Variants in DNAH7 observed in about 807,000 individuals in gnomAD.
The protein encoded by DNAH7 is axonemal beta dynein heavy chain 7.
Under a neutral mutation model 444.6 loss-of-function variants are expected in DNAH7, and 397 were observed. The ratio of observed to expected loss-of-function variants is 0.89; its 90% CI spans 0.82 to 0.97. The LOEUF is 0.97. Among genes scored for constraint, DNAH7 ranks in the 50% least tolerant of loss-of-function variants. The pLI is 0.00. For synonymous variants in DNAH7, 1,636 were observed against 1,624.4 expected, an observed-to-expected ratio of 1.01 and a Z score of -0.17; for missense variants, 4,902 against 4,800.8, an observed-to-expected ratio of 1.02 and a Z score of -0.62.
At chr2:195,971,658 G>C (rs1300906184) in intron 16 of DNAH7, among the ~76,000 whole-genome samples, 1 of 152,138 alleles carries the variant, frequency 6.6e-6, no homozygotes, top group East Asian at 1.9e-4. Context: ...CAGACATCTA[G>C]AAGTTGACAG....
chr2:195,819,065 A>G (rs1697349437), intron 49 of DNAH7, among the ~76,000 whole-genome samples: 1 of 151,968 alleles, frequency 6.6e-6, no homozygotes, highest in South Asian at 2.1e-4. Flanking sequence ...CACACTATCT[A>G]TGAAATGCCT....
intron 5 of DNAH7, among the ~76,000 whole-genome samples, chr2:196,032,585 A>T (rs968611714): frequency 2.6e-5 from 4 of 152,226 alleles, no homozygotes; most frequent in African/African-American, 9.7e-5. Context: ...TCAACAACAG[A>T]AAATCTGAAT....
intron 61 of DNAH7, among the ~76,000 whole-genome samples, chr2:195,770,661 C>T (rs1437255473): frequency 6.6e-6 from 1 of 152,174 alleles, no homozygotes; most frequent in Non-Finnish European, 1.5e-5. Context: ...CCATAATTCT[C>T]TACTCCCTAA....
intron 59 of DNAH7, among the ~76,000 whole-genome samples, 167 bp downstream of exon 59, chr2:195,777,633 T>A (rs1485268889): frequency 2.0e-5 from 3 of 152,166 alleles, no homozygotes; most frequent in Admixed American, 2.0e-4. Context: ...AACCCCTAAC[T>A]CCACCTATAG....
At chr2:195,898,098 T>C (rs10210623) in intron 28 of DNAH7, among the ~76,000 whole-genome samples, 1,715 of 152,346 alleles carry the variant, frequency 0.011, 35 homozygotes, top group African/African-American at 0.039. Context: ...CATGTATTCA[T>C]GACTAGCAGT....
At chr2:195,883,470 A>T (rs1017805362) in intron 35 of DNAH7, among the ~76,000 whole-genome samples, 11 of 144,258 alleles carry the variant, frequency 7.6e-5, no homozygotes, top group African/African-American at 2.8e-4. Flanking sequence ...CCAAAAAAAA[A>T]GAATCAGAAA....
chr2:195,975,885 C>G (rs1278451205), intron 15 of DNAH7, among the ~76,000 whole-genome samples: 1 of 152,148 alleles, frequency 6.6e-6, no homozygotes, highest in Non-Finnish European at 1.5e-5. Context: ...CTAAAGAGCC[C>G]TTGGGCACTG....
At chr2:196,051,577 C>A (rs1447360984) in intron 2 of DNAH7, among the ~76,000 whole-genome samples, 1 of 152,082 alleles carries the variant, frequency 6.6e-6, no homozygotes, top group Non-Finnish European at 1.5e-5. Context: ...ACCATCCTGG[C>A]TAACATGGTG....
chr2:195,873,530 C>A (rs1700841211), intron 39 of DNAH7, 38 bp downstream of exon 39: 9 of 1,152,230 alleles, frequency 7.8e-6, no homozygotes, highest in South Asian at 2.4e-5. Context: ...ATATTTTATA[C>A]CTCCTAATTA....
Position 195,875,599 on chromosome 2 carries a change from T to G in DNAH7, c.6286+76A>C, listed in dbSNP as rs951768958. The stretch of plus-strand genomic sequence containing the variant: ...CAAAACACTGCAACTCAAAAGAGGA[T>G]TTTTTTCCAGTTATTTCTTTAGCTA... On this transcript the variant is annotated intron_variant, in intron 38 of 64. Transcript: ENST00000312428. 5.1e-5 allele frequency: 72 copies of G among 1,398,626 alleles called. No homozygotes were observed. In the Middle Eastern group the frequency reaches 7.2e-4, roughly 14 times the overall value. 86.6% of individuals were successfully genotyped at this position (1,398,626 alleles called of 1,614,324 possible).
chr2:195,934,726 T>C lies in DNAH7; in HGVS notation c.3336A>G (p.Leu1112=). 6.2e-7 allele frequency: 1 copy of C among 1,614,146 alleles called. No homozygotes were observed. The highest frequency in any genetic ancestry group is 8.5e-7 in the Non-Finnish European group (1 of 1,179,994). ...CGCTGCTCTTCATGTGAGTAATGTC[T>C]AAAGTTTCCGTAAATTCTACCTTTG... ...GIAKVEFTET[L]DITHMKSSEG... The change falls in exon 21 of 65, where the codon TTA becomes TTG. Residue 1112 remains leucine (L), a synonymous_variant. Coordinates refer to ENST00000312428, the MANE Select transcript of DNAH7 (RefSeq NM_018897.3).
At chr2:195,898,535 G>A (rs1030856106) in intron 28 of DNAH7, among the ~76,000 whole-genome samples, 1 of 151,902 alleles carries the variant, frequency 6.6e-6, no homozygotes, top group Non-Finnish European at 1.5e-5. Context: ...ATCAGTTTTC[G>A]CACCATGCAG....
At position 195,876,686 on chromosome 2, in the gene DNAH7, T is replaced by C. The variant is rs1340219360; in HGVS notation, c.5975A>G (p.Asn1992Ser). The C allele has an allele frequency of 6.3e-7, 1 of 1,586,312 alleles. No individual in the cohort carries two copies. Among genetic ancestry groups the C allele is most frequent in the South Asian group, 1.1e-5 (1 of 88,214 alleles). ...KSVYITNFLL[N>S]QLNKEIYKPL... is the part of the protein sequence containing the mutation. ...TTTGTAGATTTCCTTATTTAGTTGATTTAAAAGAAAATTCTATATAACAAA... is the reference window on the plus strand; with the variant it reads ...TTTGTAGATTTCCTTATTTAGTTGACTTAAAAGAAAATTCTATATAACAAA... Residue 1992 changes from asparagine (N) to serine (S), a missense_variant, in exon 37 of 65, where the codon AAT (asparagine) becomes AGT (serine). By Grantham distance (46) the Asn-to-Ser change is conservative. Transcript: ENST00000312428.
intron 47 of DNAH7, among the ~76,000 whole-genome samples, chr2:195,835,577 A>C (rs933910745): frequency 9.2e-5 from 14 of 152,120 alleles, no homozygotes; most frequent in Admixed American, 5.2e-4. Flanking sequence ...CGGGTGCGGT[A>C]GCTCATGCCT....
At chr2:195,947,284 A>G (rs1007393882) in intron 19 of DNAH7, among the ~76,000 whole-genome samples, 13 of 151,838 alleles carry the variant, frequency 8.6e-5, no homozygotes, top group African/African-American at 3.1e-4. Context: ...CGTGAGCCAC[A>G]TGTCTTATTT....
At chr2:195,836,653 A>G (rs1698389946) in intron 47 of DNAH7, among the ~76,000 whole-genome samples, 1 of 152,210 alleles carries the variant, frequency 6.6e-6, no homozygotes, top group South Asian at 2.1e-4. Context: ...GATGCAATTA[A>G]CTAATGAAAA....
At chr2:195,778,345 G>A (rs991894337) in intron 58 of DNAH7, among the ~76,000 whole-genome samples, 1 of 151,562 alleles carries the variant, frequency 6.6e-6, no homozygotes, top group Admixed American at 6.6e-5. Context: ...CAGATAGAGT[G>A]TAATTCAGAG....
chr2:195,934,514 C>T (rs1347706484), intron 21 of DNAH7, 77 bp downstream of exon 21: 5 of 1,433,336 alleles, frequency 3.5e-6, no homozygotes, highest in Admixed American at 1.8e-5. Context: ...AATAACAGTA[C>T]ATTTATCAAC....
intron 5 of DNAH7, among the ~76,000 whole-genome samples, chr2:196,036,059 T>C (rs1302370704): frequency 2.7e-5 from 4 of 150,778 alleles, no homozygotes; most frequent in African/African-American, 2.4e-5. Context: ...CAGGCAGAGT[T>C]TCACTCTTGT....
Sources: allele counts gnomAD v4.1 joint callset (sites outside exome capture counted in the v4.1 genomes callset), GRCh38; gene constraint gnomAD v4.1.1; transcripts MANE v1.5; gene names NCBI Gene and HGNC (gene_info 2026-07-23, HGNC 2026-07-21).